ERBB4: variants seen among roughly 807,000 people sequenced by gnomAD.
ERBB4 encodes receptor tyrosine-protein kinase erbB-4.
In ERBB4, 42 loss-of-function variants were observed where a neutral mutation model predicts 158.0. The observed-to-expected ratio is 0.27, with a 90% CI of 0.21 to 0.34. ERBB4 has a LOEUF of 0.34. Ranked by LOEUF, ERBB4 falls within the 10% of genes least tolerant of loss-of-function variation. The pLI, the probability that ERBB4 is intolerant of heterozygous loss-of-function variation, is 1.00. For missense variants in ERBB4, 1,333 were observed against 1,624.1 expected, an observed-to-expected ratio of 0.82 and a Z score of 3.08; for synonymous variants, 583 against 558.7, an observed-to-expected ratio of 1.04 and a Z score of -0.61.
At chr2:211,823,222 T>C (rs1327848922) in intron 3 of ERBB4, among the ~76,000 whole-genome samples, 1 of 151,944 alleles carries the variant, frequency 6.6e-6, no homozygotes, top group Non-Finnish European at 1.5e-5. Flanking sequence ...GGATGAATCA[T>C]CTTGGGGCAA....
chr2:212,070,747 G>A (rs1176599439), intron 2 of ERBB4, among the ~76,000 whole-genome samples: 1 of 151,646 alleles, frequency 6.6e-6, no homozygotes, highest in Non-Finnish European at 1.5e-5. Flanking sequence ...ACAGAAAAAA[G>A]GAAAGTAGAT....
intron 2 of ERBB4, 36 bp downstream of exon 2, chr2:212,124,716 C>T (rs780042797): frequency 2.5e-6 from 4 of 1,611,906 alleles, no homozygotes; most frequent in Non-Finnish European, 3.4e-6. Context: ...CGCCACTGTC[C>T]ATTCACAAAG....
chr2:211,395,142 C>T lies in ERBB4; in HGVS notation c.3136-7150G>A, dbSNP rs186917352. On this transcript the variant is annotated intron_variant, in intron 25 of 27. Coordinates refer to ENST00000342788, the MANE Select transcript of ERBB4 (RefSeq NM_005235.3). ...CTCTCATAAATCTTTTCAAAGTCGACTCATCGCTTTTTCTTTCCTTTTTAA... is the reference window on the plus strand; with the variant it reads ...CTCTCATAAATCTTTTCAAAGTCGATTCATCGCTTTTTCTTTCCTTTTTAA... Among the ~76,000 whole-genome samples the T allele has an allele frequency of 5.9e-3, 905 of 152,156 alleles. 13 individuals are homozygous for T. Among genetic ancestry groups the T allele is most frequent in the South Asian group, 0.019 (90 of 4,826 alleles).
chr2:211,466,874 T>C (rs958724274), intron 20 of ERBB4, among the ~76,000 whole-genome samples: 2 of 151,614 alleles, frequency 1.3e-5, no homozygotes, highest in African/African-American at 4.8e-5. Flanking sequence ...TCAGTTTTCC[T>C]CTCTCTCTCT....
chr2:211,895,590 C>T (rs2079076785), intron 3 of ERBB4, among the ~76,000 whole-genome samples: 1 of 152,006 alleles, frequency 6.6e-6, no homozygotes, highest in Non-Finnish European at 1.5e-5. Context: ...AATTGCTCCC[C>T]CTCTATGGAC....
intron 3 of ERBB4, among the ~76,000 whole-genome samples, chr2:211,828,929 C>CA (rs1197794313): frequency 1.3e-5 from 2 of 152,098 alleles, no homozygotes; most frequent in Non-Finnish European, 2.9e-5. Context: ...GGTTTCAGCT[C>CA]AATTTTGCCT....
intron 2 of ERBB4, among the ~76,000 whole-genome samples, chr2:212,112,396 T>G (rs80014518): frequency 2.7e-4 from 41 of 152,252 alleles, no homozygotes; most frequent in Admixed American, 1.8e-3. Flanking sequence ...CCAAATTTTG[T>G]GGCTCTACTG....
chr2:212,330,959 T>C (rs1358337457), intron 1 of ERBB4, among the ~76,000 whole-genome samples: 1 of 150,286 alleles, frequency 6.7e-6, no homozygotes, highest in Non-Finnish European at 1.5e-5. Context: ...GCAAGTGGTA[T>C]ATGCAATATT....
chr2:211,695,811 T>C (rs1316566630), intron 12 of ERBB4, among the ~76,000 whole-genome samples: 1 of 152,196 alleles, frequency 6.6e-6, no homozygotes, highest in Admixed American at 6.5e-5. Context: ...TAAAGTAAAA[T>C]TAAATATTGT....
chr2:211,560,122 G>A (rs1022996331), intron 20 of ERBB4, among the ~76,000 whole-genome samples: 26 of 151,794 alleles, frequency 1.7e-4, no homozygotes, highest in Non-Finnish European at 8.8e-5. Flanking sequence ...TAATTATTCA[G>A]GAAACTCAAA....
chr2:212,050,061 A>T (rs527616297), intron 2 of ERBB4, among the ~76,000 whole-genome samples: 378 of 152,286 alleles, frequency 2.5e-3, no homozygotes, highest in African/African-American at 8.8e-3. Flanking sequence ...TTTTGAAAAA[A>T]AATGGGGAGA....
intron 1 of ERBB4, among the ~76,000 whole-genome samples, chr2:212,393,413 G>A (rs2090935652): frequency 6.6e-6 from 1 of 151,962 alleles, no homozygotes. Flanking sequence ...TGGCAAATAG[G>A]TGAGAGGATT....
intron 18 of ERBB4, among the ~76,000 whole-genome samples, chr2:211,619,972 A>T (rs549164459): frequency 1.3e-5 from 2 of 152,240 alleles, no homozygotes; most frequent in Non-Finnish European, 2.9e-5. Context: ...CTCTTTTCCT[A>T]TCAAAATATA....
intron 1 of ERBB4, among the ~76,000 whole-genome samples, chr2:212,156,561 T>C (rs1231944865): frequency 1.3e-5 from 2 of 152,142 alleles, no homozygotes; most frequent in Non-Finnish European, 2.9e-5. Flanking sequence ...CACAATATGA[T>C]CTTCAACATA....
intron 20 of ERBB4, among the ~76,000 whole-genome samples, chr2:211,484,554 A>T (rs34613466): frequency 0.25 from 38,217 of 152,130 alleles, 5,539 homozygotes; most frequent in African/African-American, 0.4. Context: ...AAAATTTAAA[A>T]GACTGCATTA....
intron 12 of ERBB4, among the ~76,000 whole-genome samples, chr2:211,697,593 C>T (rs953616918): frequency 6.6e-6 from 1 of 151,794 alleles, no homozygotes; most frequent in Non-Finnish European, 1.5e-5. Flanking sequence ...AAGAACAACT[C>T]CCAAATTAAA....
chr2:211,398,631 A>G (rs893532086), intron 25 of ERBB4, among the ~76,000 whole-genome samples: 4 of 152,160 alleles, frequency 2.6e-5, no homozygotes, highest in Admixed American at 2.0e-4. Context: ...TCACAAGGTC[A>G]GGAGTTCAAG....
chr2:211,378,110 G>C lies in ERBB4; in HGVS notation c.*5505C>G, dbSNP rs561123483. 14 of 233,050 alleles carry C rather than the reference G, an allele frequency of 6.0e-5. No homozygotes were observed. The highest frequency in any genetic ancestry group is 1.2e-4 in the Non-Finnish European group (14 of 117,738). The allele number at this position is 233,050 out of a possible 1,614,324, so 14.4% of individuals were successfully genotyped here. A position where few individuals can be genotyped will look rare whatever the true frequency, so the allele number is the denominator to read the frequency against. ...GAACCAGGGTGGTAGAAAGGGAAGA[G>C]AGCAGTGCCAGTTGTGTCAATGGGC... On this transcript the variant is annotated 3_prime_UTR_variant, in exon 28 of 28. Transcript: ENST00000342788.
chr2:211,900,859 AG>A (rs1362515326), intron 3 of ERBB4, among the ~76,000 whole-genome samples: 1 of 152,114 alleles, frequency 6.6e-6, no homozygotes, highest in Non-Finnish European at 1.5e-5. Context: ...TATTCTACAT[AG>A]AGTGGCATTT....
Sources: gnomAD v4.1 joint callset for allele counts (sites outside exome capture counted in the v4.1 genomes callset) on GRCh38, gnomAD v4.1.1 for gene constraint, MANE v1.5 for transcripts, NCBI Gene and HGNC (gene_info 2026-07-23, HGNC 2026-07-21) for gene names.